TMX3: variants seen among roughly 807,000 people sequenced by gnomAD.
TMX3 encodes protein disulfide-isomerase TMX3.
TMX3 carries 40 observed loss-of-function variants against 64.4 expected under a neutral mutation model. The observed-to-expected ratio is 0.62, with a 90% CI of 0.48 to 0.81. The LOEUF is 0.81. TMX3 is among the 30% of genes least tolerant of loss of function. The probability of loss-of-function intolerance (pLI) is 0.00; values close to 1 mark genes in which losing one functional copy is unlikely to be tolerated. For missense variants in TMX3, 497 were observed against 534.5 expected (o/e 0.93, Z 0.69); for synonymous variants, 189 against 175.7 (o/e 1.08, Z -0.60).
Position 68,710,005 on chromosome 18 carries a change from C to A in TMX3, c.265+16G>T. 1 of 1,563,718 alleles carries A rather than the reference C, an allele frequency of 6.4e-7. No individual in the cohort carries two copies. The highest frequency in any genetic ancestry group is 2.3e-5 in the East Asian group (1 of 42,958). ...GCTGTGAGAACAGTAAAATAATAAA[C>A]TAAGTGAAGGCTTACTAGAATAGGA... On this transcript the variant is annotated intron_variant, in intron 4 of 15. Coordinates refer to ENST00000299608, the MANE Select transcript of TMX3 (RefSeq NM_019022.5).
chr18:68,699,677 T>C (rs914725646), intron 6 of TMX3, among the ~76,000 whole-genome samples: 1 of 152,144 alleles, frequency 6.6e-6, no homozygotes, highest in African/African-American at 2.4e-5. Flanking sequence ...TAACACAGCT[T>C]GAACATTCTC....
intron 3 of TMX3, 112 bp from the exon 4 acceptor site, chr18:68,710,256 A>C: frequency 2.0e-6 from 2 of 991,246 alleles, no homozygotes; most frequent in Admixed American, 7.9e-5. Context: ...ATGATCTAAT[A>C]ATGTTTTAGA....
rs1912909051 is a variant in TMX3 at position 68,676,151 on chromosome 18, T to C, written c.*782A>G. The C allele has an allele frequency of 2.0e-5, 3 of 152,160 alleles. No homozygotes were observed. In the South Asian group the frequency reaches 6.2e-4, roughly 32 times the overall value. The allele number at this position is 152,160 out of a possible 1,614,324, so 9.4% of individuals were successfully genotyped here. A position where few individuals can be genotyped will look rare whatever the true frequency, so the allele number is the denominator to read the frequency against. ...ATAAAATAGAAATAAAATACTAGGC[T>C]ATTCTGGCTAAAGCAGAGTAGGATT... On this transcript the variant is annotated 3_prime_UTR_variant, in exon 16 of 16. Coordinates refer to ENST00000299608, the MANE Select transcript of TMX3 (RefSeq NM_019022.5).
intron 12 of TMX3, 26 bp from the exon 13 acceptor site, chr18:68,683,007 T>C: frequency 6.3e-7 from 1 of 1,589,566 alleles, no homozygotes; most frequent in Non-Finnish European, 8.6e-7. Context: ...CAAAAATAAA[T>C]AAATAAAAGG....
At chr18:68,702,007 T>C (rs1812634479) in intron 4 of TMX3, among the ~76,000 whole-genome samples, 1 of 151,476 alleles carries the variant, frequency 6.6e-6, no homozygotes, top group African/African-American at 2.4e-5. Context: ...CTGCACAAAA[T>C]ACTATGACAA....
At chr18:68,710,252 T>C in intron 3 of TMX3, 108 bp from the exon 4 acceptor site, 2 of 1,027,606 alleles carry the variant, frequency 1.9e-6, no homozygotes, top group Non-Finnish European at 2.6e-6. Flanking sequence ...CTAAATGATC[T>C]AATAATGTTT....
intron 7 of TMX3, 56 bp from the exon 8 acceptor site, chr18:68,697,359 A>T: frequency 2.0e-6 from 2 of 984,188 alleles, no homozygotes; most frequent in South Asian, 3.4e-5. Flanking sequence ...GCCAAAATTC[A>T]TTCCTCATTA....
At chr18:68,687,622 G>A in intron 10 of TMX3, 45 bp downstream of exon 10, 9 of 1,550,966 alleles carry the variant, frequency 5.8e-6, no homozygotes, top group Non-Finnish European at 7.8e-6. Flanking sequence ...AATAATCAAA[G>A]AAAAATCATG....
Position 68,675,569 on chromosome 18 carries a change from G to A in TMX3, c.*1364C>T, listed in dbSNP as rs1173926528. The A allele has an allele frequency of 6.6e-6, 1 of 151,938 alleles. No homozygotes were observed. The highest frequency in any genetic ancestry group is 2.4e-5 in the African/African-American group (1 of 41,376). 9.4% of individuals were successfully genotyped at this position (151,938 alleles called of 1,614,324 possible). On this transcript the variant is annotated 3_prime_UTR_variant, in exon 16 of 16. Coordinates refer to ENST00000299608, the MANE Select transcript of TMX3 (RefSeq NM_019022.5). ...CCAGACCATGAATTACATATTTTTT[G>A]ACCATGCATTACATTATTTTTTAAT...
At chr18:68,698,643 G>C (rs1915347693) in intron 6 of TMX3, among the ~76,000 whole-genome samples, 1 of 152,068 alleles carries the variant, frequency 6.6e-6, no homozygotes, top group African/African-American at 2.4e-5. Flanking sequence ...TGTTATACAA[G>C]CATTTTTCAA....
chr18:68,710,132 A>T lies in TMX3; in HGVS notation c.154T>A (p.Trp52Arg). The T allele has an allele frequency of 6.4e-7, 1 of 1,562,120 alleles. No individual in the cohort carries two copies. The highest frequency in any genetic ancestry group is 8.6e-7 in the Non-Finnish European group (1 of 1,158,900). ...TCCAGCTTTTTACAATGGCCACACCATGGCGCATAAAACTTGTTTTAAAAA... is the reference window on the plus strand; with the variant it reads ...TCCAGCTTTTTACAATGGCCACACCTTGGCGCATAAAACTTGTTTTAAAAA... ...DIWLVDFYAP[W>R]CGHCKKLEPI... Residue 52 changes from tryptophan to arginine, a missense_variant, in exon 4 of 16, where the codon TGG becomes AGG. Physicochemically the swap from Trp to Arg is moderately radical, Grantham distance 101. This residue lies in a region of TMX3 where 360 missense variants were observed against 383.5 expected (regional missense o/e 0.94). Transcript: ENST00000299608.
At position 68,683,896 on chromosome 18, in the gene TMX3, TATTA is replaced by T. The variant is rs1442370442; in HGVS notation, c.848+290_848+293del. Among the ~76,000 whole-genome samples, 4 of 152,294 alleles carry T rather than the reference TATTA, an allele frequency of 2.6e-5. No individual in the cohort carries two copies. In the South Asian group the frequency reaches 6.2e-4, roughly 24 times the overall value. ...TATTGTTATAATTGTTCTATTTTAT[TATTA>T]ATTACTGTTGTTGATCTCTTACTGT... is the stretch of plus-strand genomic sequence containing the variant. On this transcript the variant is annotated intron_variant, in intron 12 of 15. Coordinates refer to ENST00000299608, the MANE Select transcript of TMX3 (RefSeq NM_019022.5).
Position 68,679,542 on chromosome 18 carries a change from G to T in TMX3, c.1036-11C>A, listed in dbSNP as rs1913225598. 2 of 1,605,060 alleles carry T rather than the reference G, an allele frequency of 1.2e-6. No homozygotes were observed. The highest frequency in any genetic ancestry group is 2.2e-5 in the South Asian group (2 of 89,664). On this transcript the variant is annotated splice_polypyrimidine_tract_variant and intron_variant, in intron 14 of 15. Coordinates refer to ENST00000299608, the MANE Select transcript of TMX3 (RefSeq NM_019022.5). ...ATCACCTCCTTGGGCCTTCAAAAAA[G>T]GAAAAGAAAAATAAATTATTTAAGC... is the stretch of plus-strand genomic sequence containing the variant.
At chr18:68,682,573 A>G (rs1004771522) in intron 13 of TMX3, among the ~76,000 whole-genome samples, 1 of 152,152 alleles carries the variant, frequency 6.6e-6, no homozygotes, top group Non-Finnish European at 1.5e-5. Flanking sequence ...TGAATGCTAA[A>G]CATTTTCTAT....
intron 4 of TMX3, among the ~76,000 whole-genome samples, chr18:68,708,023 ATGTGTATATG>A (rs997328165): frequency 1.9e-4 from 25 of 128,400 alleles, no homozygotes; most frequent in Non-Finnish European, 2.6e-4. Flanking sequence ...ATGTGTATAT[ATGTGTATATG>A]TGTATATATG....
intron 5 of TMX3, chr18:68,700,858 T>C: frequency 1.0e-6 from 1 of 983,896 alleles, no homozygotes; most frequent in Non-Finnish European, 1.2e-6. Flanking sequence ...AATAAGAGTA[T>C]TTTAGAAGAG....
rs193222932 is a variant in TMX3 at position 68,683,549 on chromosome 18, C to T, written c.849-568G>A. On this transcript the variant is annotated intron_variant, in intron 12 of 15. Transcript: ENST00000299608. ...TGTTAGAATAATTATCTGCCTATCT[C>T]TGACTTCTGATCAGTCATTTATGTC... 5.5e-4 allele frequency among the ~76,000 whole-genome samples: 84 copies of T among 152,214 alleles called. No individual in the cohort carries two copies. In the East Asian group the frequency reaches 0.012, roughly 22 times the overall value.
At position 68,688,410 on chromosome 18, in the gene TMX3, G is replaced by A. The variant is rs543314820; in HGVS notation, c.638-645C>T. On this transcript the variant is annotated intron_variant, in intron 9 of 15. Transcript: ENST00000299608. ...TATAAAATAATTCCTCTGCTAAGCAGATAGAAAATATAATATCTAAGAGAA... is the reference window on the plus strand; with the variant it reads ...TATAAAATAATTCCTCTGCTAAGCAAATAGAAAATATAATATCTAAGAGAA... The A allele has an allele frequency of 3.3e-5, 5 of 152,224 alleles. No individual in the cohort carries two copies. The South Asian group carries it at 1.0e-3, about 32-fold the overall frequency. 9.4% of individuals were successfully genotyped at this position (152,224 alleles called of 1,614,324 possible).
chr18:68,685,049 A>G (rs1162999731), intron 10 of TMX3, among the ~76,000 whole-genome samples: 2 of 152,180 alleles, frequency 1.3e-5, no homozygotes, highest in South Asian at 2.1e-4. Context: ...ATGTATCCTG[A>G]TATCTTCTAG....
Sources: allele counts gnomAD v4.1 joint callset (sites outside exome capture counted in the v4.1 genomes callset), GRCh38; gene constraint gnomAD v4.1.1; regional missense constraint gnomAD v4.1.1; transcripts MANE v1.5; gene names NCBI Gene and HGNC (gene_info 2026-07-23, HGNC 2026-07-21).